RYR2: variants seen among roughly 807,000 people sequenced by gnomAD.
RYR2 encodes ryanodine receptor 2.
Under a neutral mutation model 601.1 loss-of-function variants are expected in RYR2, and 227 were observed. The observed-to-expected ratio is 0.38, with a 90% CI of 0.34 to 0.42. RYR2 has a LOEUF of 0.42. RYR2 is among the 10% of genes least tolerant of loss of function. The probability of loss-of-function intolerance (pLI) is 1.00; values close to 1 mark genes in which losing one functional copy is unlikely to be tolerated. For missense variants in RYR2, 4,646 were observed against 6,156.5 expected (o/e 0.75, Z 8.21); for synonymous variants, 2,223 against 2,175.1 (o/e 1.02, Z -0.61).
chr1:237,581,009 C>T (rs955092772), intron 29 of RYR2, among the ~76,000 whole-genome samples: 3 of 152,208 alleles, frequency 2.0e-5, no homozygotes, highest in African/African-American at 7.2e-5. Context: ...TCTGAGCTGA[C>T]CAATACACCA....
intron 1 of RYR2, among the ~76,000 whole-genome samples, chr1:237,096,699 A>G (rs1188471698): frequency 1.3e-5 from 2 of 152,228 alleles, no homozygotes; most frequent in African/African-American, 2.4e-5. Flanking sequence ...ATACTTAATT[A>G]TAAAATAAAG....
intron 1 of RYR2, among the ~76,000 whole-genome samples, chr1:237,187,500 G>A (rs1679500295): frequency 7.2e-6 from 1 of 138,580 alleles, no homozygotes; most frequent in Admixed American, 7.9e-5. Flanking sequence ...CTGAAGTGCA[G>A]TGGCATGGTC....
At chr1:237,267,198 A>C (rs1307178593) in intron 1 of RYR2, among the ~76,000 whole-genome samples, 1 of 152,140 alleles carries the variant, frequency 6.6e-6, no homozygotes, top group East Asian at 1.9e-4. Context: ...AAACTCCTAT[A>C]GGTTTCCTAT....
intron 104 of RYR2, 36 bp downstream of exon 104, chr1:237,831,601 A>G (rs1320628451): frequency 1.6e-6 from 2 of 1,231,858 alleles, no homozygotes; most frequent in Non-Finnish European, 2.4e-6. Flanking sequence ...TCTGAAAGAA[A>G]TGATAGAGAA....
At chr1:237,262,055 A>T (rs1381509345) in intron 1 of RYR2, among the ~76,000 whole-genome samples, 1 of 151,998 alleles carries the variant, frequency 6.6e-6, no homozygotes, top group Non-Finnish European at 1.5e-5. Context: ...ATATCTTTTA[A>T]ATGATGAATG....
At chr1:237,061,805 T>A (rs1302138105) in intron 1 of RYR2, among the ~76,000 whole-genome samples, 1 of 152,152 alleles carries the variant, frequency 6.6e-6, no homozygotes, top group Non-Finnish European at 1.5e-5. Context: ...GTTTGTGGTT[T>A]TTTTTTTGTA....
chr1:237,278,668 A>G (rs1023319601), intron 2 of RYR2, among the ~76,000 whole-genome samples: 10 of 152,150 alleles, frequency 6.6e-5, no homozygotes, highest in African/African-American at 2.2e-4. Flanking sequence ...ACCTTTTTAA[A>G]AGGAAACACC....
intron 42 of RYR2, among the ~76,000 whole-genome samples, chr1:237,631,914 T>C (rs901145450): frequency 2.6e-5 from 4 of 151,814 alleles, no homozygotes; most frequent in Admixed American, 2.0e-4. Flanking sequence ...ATTACAGGCG[T>C]GAGCCACCGC....
rs141685053 is a variant in RYR2, at chr1:237,221,579, C to T, written c.49-48918C>T. ...CATCTCAAACATTGTGCTAATAACA[C>T]CTGTATTTGAGTTAGTCACATGTAC... On this transcript the variant is annotated intron_variant, in intron 1 of 104. Transcript: ENST00000366574. Among the ~76,000 whole-genome samples, 443 of 152,254 alleles carry T rather than the reference C, an allele frequency of 2.9e-3. 1 individual carries two copies. The highest frequency in any genetic ancestry group is 4.5e-3 in the Non-Finnish European group (308 of 68,020).
intron 2 of RYR2, among the ~76,000 whole-genome samples, chr1:237,308,579 C>T (rs1558595551): frequency 6.6e-6 from 1 of 152,112 alleles, no homozygotes; most frequent in African/African-American, 2.4e-5. Context: ...GTGGTGTGTC[C>T]AGAGTTTGTT....
intron 85 of RYR2, among the ~76,000 whole-genome samples, 168 bp from the exon 86 acceptor site, chr1:237,771,844 C>G (rs1368957166): frequency 6.6e-6 from 1 of 152,048 alleles, no homozygotes; most frequent in Non-Finnish European, 1.5e-5. Flanking sequence ...TTGGGGTGAT[C>G]ACTTTTTATG....
At chr1:237,557,618 G>A (rs1412365950) in intron 27 of RYR2, among the ~76,000 whole-genome samples, 1 of 151,568 alleles carries the variant, frequency 6.6e-6, no homozygotes, top group Non-Finnish European at 1.5e-5. Context: ...GAAAAAGGCT[G>A]AATGTAAACA....
intron 62 of RYR2, among the ~76,000 whole-genome samples, chr1:237,685,123 A>T (rs529534329): frequency 2.3e-4 from 35 of 152,300 alleles, no homozygotes; most frequent in African/African-American, 8.4e-4. Context: ...GAAGAAGTAG[A>T]TGCCTTATAA....
intron 2 of RYR2, among the ~76,000 whole-genome samples, chr1:237,299,144 C>G: frequency 1.4e-5 from 1 of 70,906 alleles, no homozygotes. Context: ...TTTTTCATTT[C>G]ATTTCATAGT....
intron 80 of RYR2, among the ~76,000 whole-genome samples, chr1:237,750,687 CT>C (rs1692470706): frequency 6.6e-6 from 1 of 151,716 alleles, no homozygotes; most frequent in African/African-American, 2.4e-5. Context: ...TTTTTTTCCC[CT>C]GAGGATGACA....
intron 1 of RYR2, among the ~76,000 whole-genome samples, chr1:237,179,759 G>T (rs915696801): frequency 6.6e-6 from 1 of 152,092 alleles, no homozygotes; most frequent in East Asian, 1.9e-4. Context: ...AGAGCTGAGG[G>T]TAGCCTTTTA....
At chr1:237,565,329 G>A (rs1340955717) in intron 27 of RYR2, among the ~76,000 whole-genome samples, 4 of 151,300 alleles carry the variant, frequency 2.6e-5, no homozygotes, top group East Asian at 2.0e-4. Flanking sequence ...GCAGTAGAAC[G>A]ACCATAGCTC....
rs773678614 is a variant in RYR2, at chr1:237,590,803, G to A, written c.3971G>A (p.Gly1324Glu). 1 of 1,613,834 alleles carries A rather than the reference G, an allele frequency of 6.2e-7. No individual in the cohort carries two copies. The highest frequency in any genetic ancestry group is 8.5e-7 in the Non-Finnish European group (1 of 1,179,840). Residue 1324 changes from glycine (G) to glutamate (E), a missense_variant, in exon 31 of 105, where the codon GGG becomes GAG. By Grantham distance (98) the Gly-to-Glu change is moderately conservative (BLOSUM62 -2). This residue lies in a region of RYR2 where 1,807 missense variants were observed against 2,088.1 expected (regional missense o/e 0.87). Coordinates refer to ENST00000366574, the MANE Select transcript of RYR2 (RefSeq NM_001035.3). The stretch of plus-strand genomic sequence containing the variant: ...AAGACGGTGGCTGGAGGGCTCCCTG[G>A]GGCTGGCCTTTTTGGGCCCAAGAAT... ...FSKTVAGGLP[G>E]AGLFGPKNDL...
chr1:237,110,759 C>T (rs1669383694), intron 1 of RYR2, among the ~76,000 whole-genome samples: 1 of 152,206 alleles, frequency 6.6e-6, no homozygotes, highest in Admixed American at 6.5e-5. Flanking sequence ...TACCAATGCT[C>T]TGAAACCTCC....
Sources: allele counts gnomAD v4.1 joint callset (sites outside exome capture counted in the v4.1 genomes callset), GRCh38; gene constraint gnomAD v4.1.1; regional missense constraint gnomAD v4.1.1; transcripts MANE v1.5; gene names NCBI Gene and HGNC (gene_info 2026-07-23, HGNC 2026-07-21).